The following CADM1 variants were observed in gnomAD, a reference collection of about 807,000 sequenced individuals.
CADM1 encodes TSLC-1.
In CADM1, 15 loss-of-function variants were observed where a neutral mutation model predicts 53.1. The observed-to-expected ratio is 0.28, with a 90% CI of 0.19 to 0.44. CADM1 has a LOEUF of 0.44. CADM1 is among the 20% of genes least tolerant of loss of function. CADM1 has a pLI of 1.00. For synonymous variants in CADM1, 281 were observed against 243.0 expected, an observed-to-expected ratio of 1.16 and a Z score of -1.45; for missense variants, 434 against 611.3, an observed-to-expected ratio of 0.71 and a Z score of 3.06.
intron 1 of CADM1, among the ~76,000 whole-genome samples, chr11:115,328,216 G>A (rs1945011220): frequency 6.6e-6 from 1 of 151,812 alleles, no homozygotes; most frequent in South Asian, 2.1e-4. Context: ...CCTTTTGAGG[G>A]CCTAAAACTT....
intron 1 of CADM1, among the ~76,000 whole-genome samples, chr11:115,249,889 T>C (rs1942534546): frequency 6.6e-6 from 1 of 152,202 alleles, no homozygotes; most frequent in African/African-American, 2.4e-5. Flanking sequence ...AGATGTAGGC[T>C]GTTCACAATA....
chr11:115,450,755 G>A (rs1263205923), intron 1 of CADM1, among the ~76,000 whole-genome samples: 1 of 152,174 alleles, frequency 6.6e-6, no homozygotes, highest in Non-Finnish European at 1.5e-5. Context: ...GTATTAACAG[G>A]ATTCAAAGCT....
chr11:115,282,364 T>C (rs1226479375), intron 1 of CADM1, among the ~76,000 whole-genome samples: 1 of 152,174 alleles, frequency 6.6e-6, no homozygotes, highest in African/African-American at 2.4e-5. Flanking sequence ...GATATTATCT[T>C]GTACTTTTGA....
intron 10 of CADM1, chr11:115,190,667 G>A (rs961377609): frequency 1.7e-5 from 9 of 544,244 alleles, no homozygotes; most frequent in East Asian, 2.9e-5. Context: ...CCTCTCCTGC[G>A]TTAATTAAAT....
Position 115,176,200 on chromosome 11 carries a change from C to T in CADM1, c.*274G>A. The stretch of plus-strand genomic sequence containing the variant: ...AAGGCACAGAATTTTCTGCAATCTA[C>T]TGAAACTAAATCCAAGTATCCAAGT... On this transcript the variant is annotated 3_prime_UTR_variant, in exon 12 of 12. Transcript: ENST00000331581. The T allele has an allele frequency of 1.6e-6, 2 of 1,214,980 alleles. No homozygotes were observed. Among genetic ancestry groups the T allele is most frequent in the South Asian group, 3.3e-5 (2 of 60,534 alleles). 75.3% of individuals were successfully genotyped at this position (1,214,980 alleles called of 1,614,324 possible).
At chr11:115,442,370 C>G (rs1455051848) in intron 1 of CADM1, among the ~76,000 whole-genome samples, 1 of 152,164 alleles carries the variant, frequency 6.6e-6, no homozygotes, top group African/African-American at 2.4e-5. Flanking sequence ...CTCTGCAATT[C>G]TATGACTGAC....
intron 1 of CADM1, among the ~76,000 whole-genome samples, chr11:115,475,088 C>T (rs532680236): frequency 6.6e-6 from 1 of 152,206 alleles, no homozygotes; most frequent in Admixed American, 6.5e-5. Flanking sequence ...CTTCTCACAC[C>T]CAAATCCTCA....
intron 1 of CADM1, among the ~76,000 whole-genome samples, chr11:115,479,412 T>A (rs1402031329): frequency 6.6e-6 from 1 of 152,110 alleles, no homozygotes; most frequent in Non-Finnish European, 1.5e-5. Context: ...TTCCTATTTG[T>A]CTTCCAAAAA....
At chr11:115,449,203 T>G (rs1334310321) in intron 1 of CADM1, among the ~76,000 whole-genome samples, 1 of 152,226 alleles carries the variant, frequency 6.6e-6, no homozygotes, top group African/African-American at 2.4e-5. Context: ...CAGGTATGCC[T>G]GCAGGGATGC....
At chr11:115,253,012 G>A (rs1942656186) in intron 1 of CADM1, among the ~76,000 whole-genome samples, 1 of 152,096 alleles carries the variant, frequency 6.6e-6, no homozygotes, top group African/African-American at 2.4e-5. Context: ...TGGCTTCCCT[G>A]GGCCTCACTG....
intron 1 of CADM1, among the ~76,000 whole-genome samples, chr11:115,425,353 C>G (rs1372559410): frequency 6.6e-6 from 1 of 152,232 alleles, no homozygotes; most frequent in Non-Finnish European, 1.5e-5. Context: ...CAAATGAGAA[C>G]AGGCTCCAGT....
intron 1 of CADM1, among the ~76,000 whole-genome samples, chr11:115,450,135 C>A (rs1948540063): frequency 6.6e-6 from 1 of 152,126 alleles, no homozygotes; most frequent in Non-Finnish European, 1.5e-5. Context: ...TTTGACCCAG[C>A]AAGTTCAACC....
intron 1 of CADM1, among the ~76,000 whole-genome samples, chr11:115,334,259 T>A (rs1396775284): frequency 2.0e-5 from 3 of 152,172 alleles, no homozygotes; most frequent in Non-Finnish European, 4.4e-5. Flanking sequence ...AGTGTGGACC[T>A]AAACTCCACA....
At chr11:115,328,200 A>C (rs540618544) in intron 1 of CADM1, among the ~76,000 whole-genome samples, 1 of 152,142 alleles carries the variant, frequency 6.6e-6, no homozygotes, top group South Asian at 2.1e-4. Flanking sequence ...CGAAAATCCA[A>C]ATTAACCTTT....
intron 1 of CADM1, among the ~76,000 whole-genome samples, chr11:115,315,789 A>G (rs1944651417): frequency 6.6e-6 from 1 of 152,198 alleles, no homozygotes; most frequent in Non-Finnish European, 1.5e-5. Context: ...AAAGTTTCTC[A>G]GTCCCACTAC....
Position 115,281,475 on chromosome 11 carries a change from A to AT in CADM1, c.125-41056dup, listed in dbSNP as rs548818525. On this transcript the variant is annotated intron_variant, in intron 1 of 11. Transcript: ENST00000331581. ...AAAGCCACTTTCAAAACAATTCTCA[A>AT]TTTTTTTAACCATTTTTCTATTATA... 8.5e-5 allele frequency among the ~76,000 whole-genome samples: 13 copies of AT among 152,290 alleles called. No homozygotes were observed. In the South Asian group the frequency reaches 1.2e-3, roughly 15 times the overall value.
intron 1 of CADM1, among the ~76,000 whole-genome samples, chr11:115,380,157 T>C (rs1946538827): frequency 6.6e-6 from 1 of 152,126 alleles, no homozygotes; most frequent in Non-Finnish European, 1.5e-5. Flanking sequence ...CTTATTTCCA[T>C]AATTTCAAAG....
intron 1 of CADM1, among the ~76,000 whole-genome samples, chr11:115,371,702 G>A (rs922317126): frequency 8.1e-5 from 12 of 148,286 alleles, no homozygotes; most frequent in African/African-American, 2.2e-4. Flanking sequence ...GCAATGGTGC[G>A]ATCTGGGCTC....
chr11:115,339,984 G>A (rs979567970), intron 1 of CADM1: 1 of 151,956 alleles, frequency 6.6e-6, no homozygotes, highest in Non-Finnish European at 1.5e-5. Flanking sequence ...GATCACTAAA[G>A]TACCTCAGAT....
Sources: gnomAD v4.1 joint callset for allele counts (sites outside exome capture counted in the v4.1 genomes callset) on GRCh38, gnomAD v4.1.1 for gene constraint, MANE v1.5 for transcripts, NCBI Gene and HGNC (gene_info 2026-07-23, HGNC 2026-07-21) for gene names.